The following RFTN2 variants were observed in gnomAD, a reference collection of about 807,000 sequenced individuals.
The protein encoded by RFTN2 is raftlin family member 2.
RFTN2 carries 34 observed loss-of-function variants against 52.7 expected under a neutral mutation model. The ratio of observed to expected loss-of-function variants is 0.64; its 90% CI spans 0.49 to 0.86. RFTN2 has a LOEUF of 0.86. Ranked by LOEUF, RFTN2 falls within the 40% of genes least tolerant of loss-of-function variation. The probability of loss-of-function intolerance (pLI) is 0.00; values close to 1 mark genes in which losing one functional copy is unlikely to be tolerated. For synonymous variants in RFTN2, 203 were observed against 217.7 expected (o/e 0.93, Z 0.59); for missense variants, 536 against 600.1 (o/e 0.89, Z 1.12).
At chr2:197,623,592 C>T (rs1465489792) in intron 5 of RFTN2, among the ~76,000 whole-genome samples, 2 of 152,198 alleles carry the variant, frequency 1.3e-5, no homozygotes, top group East Asian at 1.9e-4. Flanking sequence ...GATTCTTGTG[C>T]TTCAGCCTCT....
intron 7 of RFTN2, among the ~76,000 whole-genome samples, chr2:197,608,238 G>A (rs992151313): frequency 2.6e-5 from 4 of 152,148 alleles, no homozygotes; most frequent in Non-Finnish European, 1.5e-5. Flanking sequence ...AATGGAAGAG[G>A]GGAGCAGAGC....
chr2:197,622,332 TCTCA>T (rs1159594435), intron 5 of RFTN2, among the ~76,000 whole-genome samples: 5 of 152,102 alleles, frequency 3.3e-5, no homozygotes, highest in African/African-American at 2.4e-5. Context: ...TGAGACAAGG[TCTCA>T]CTCTTTCACT....
chr2:197,618,703 A>C, intron 5 of RFTN2, among the ~76,000 whole-genome samples: 1 of 126,398 alleles, frequency 7.9e-6, no homozygotes, highest in East Asian at 2.5e-4. Context: ...CCGGCCGCCC[A>C]TCGTCTGAGA....
At chr2:197,616,056 G>A (rs1230415626) in intron 6 of RFTN2, 77 bp from the exon 7 acceptor site, 2 of 823,220 alleles carry the variant, frequency 2.4e-6, no homozygotes, top group East Asian at 2.7e-5. Flanking sequence ...AGGGTGATGC[G>A]TGTTAGGATG....
At chr2:197,653,000 T>C (rs140798626) in intron 1 of RFTN2, among the ~76,000 whole-genome samples, 5 of 152,242 alleles carry the variant, frequency 3.3e-5, no homozygotes, top group Admixed American at 2.6e-4. Flanking sequence ...AAGTTCTTTA[T>C]TGAGCAGACC....
At chr2:197,578,399 C>G (rs1016609131) in intron 8 of RFTN2, among the ~76,000 whole-genome samples, 3 of 152,086 alleles carry the variant, frequency 2.0e-5, no homozygotes, top group Non-Finnish European at 4.4e-5. Flanking sequence ...TTTTTTACCA[C>G]GTGACTGTTA....
In RFTN2 at chr2:197,646,650, T is replaced by C; in HGVS notation, c.156A>G (p.Glu52=). The C allele has an allele frequency of 6.2e-7, 1 of 1,611,768 alleles. No homozygotes were observed. Among genetic ancestry groups the C allele is most frequent in the Non-Finnish European group, 8.5e-7 (1 of 1,178,486 alleles). The change falls in exon 2 of 9, where the codon GAA becomes GAG. Residue 52 remains glutamate (E), a synonymous_variant. Coordinates refer to ENST00000295049, the MANE Select transcript of RFTN2 (RefSeq NM_144629.3). ...DFTLQASSNP[E]VIKINSILDI... ...CCAGAATTGAATTTATCTTGATGAC[T>C]TCTGGGTTTGATGAAGCTGAAATAT...
At chr2:197,576,522 G>A (rs947706961) in intron 8 of RFTN2, among the ~76,000 whole-genome samples, 2 of 152,168 alleles carry the variant, frequency 1.3e-5, no homozygotes, top group Non-Finnish European at 2.9e-5. Flanking sequence ...TTTCCTAAAT[G>A]TAAGAGGTAA....
At chr2:197,587,598 C>T (rs1368928633) in intron 8 of RFTN2, among the ~76,000 whole-genome samples, 13 of 150,962 alleles carry the variant, frequency 8.6e-5, no homozygotes, top group African/African-American at 2.4e-4. Context: ...TCCTATAAAA[C>T]GGCCCTACCC....
chr2:197,627,883 GC>G (rs1010723558), intron 5 of RFTN2, among the ~76,000 whole-genome samples: 52 of 38,934 alleles, frequency 1.3e-3, no homozygotes, highest in African/African-American at 5.6e-3. Flanking sequence ...CCGCCCCCCC[GC>G]CCCCCCGTGT....
rs372258980 is a variant in RFTN2, at chr2:197,581,746, T to A, written c.1234-9466A>T. Among the ~76,000 whole-genome samples, 2 of 152,216 alleles carry A rather than the reference T, an allele frequency of 1.3e-5. 1 individual carries two copies. The highest frequency in any genetic ancestry group is 3.8e-4 in the East Asian group (2 of 5,202). ...ACACATGTGCTCTCCCTGCCGATCA[T>A]GTCCAACTGATCTCTCAAACCCCAA... is the stretch of plus-strand genomic sequence containing the variant. On this transcript the variant is annotated intron_variant, in intron 8 of 8. Transcript: ENST00000295049.
intron 7 of RFTN2, among the ~76,000 whole-genome samples, chr2:197,597,793 C>T (rs1439027943): frequency 6.6e-6 from 1 of 152,172 alleles, no homozygotes; most frequent in Admixed American, 6.5e-5. Flanking sequence ...GCTGGGATTA[C>T]AGGTGTGAGC....
chr2:197,659,144 G>T (rs2088937109), intron 1 of RFTN2, among the ~76,000 whole-genome samples: 1 of 152,102 alleles, frequency 6.6e-6, no homozygotes, highest in South Asian at 2.1e-4. Context: ...AATAGTCCAA[G>T]ACATACATAT....
At chr2:197,609,055 C>T (rs2106202542) in intron 7 of RFTN2, among the ~76,000 whole-genome samples, 1 of 152,140 alleles carries the variant, frequency 6.6e-6, no homozygotes, top group East Asian at 1.9e-4. Flanking sequence ...TGGGTTGGTA[C>T]CAAGATTTTG....
intron 7 of RFTN2, among the ~76,000 whole-genome samples, chr2:197,597,526 CTT>C (rs921271783): frequency 6.7e-6 from 1 of 148,540 alleles, no homozygotes. Flanking sequence ...TTCTTTCTTT[CTT>C]TTTTTTTTGA....
At position 197,572,268 on chromosome 2, in the gene RFTN2, G is replaced by A. The variant is rs768206974; in HGVS notation, c.1246C>T (p.Arg416Cys). The A allele has an allele frequency of 6.6e-5, 107 of 1,613,434 alleles. No homozygotes were observed. Among genetic ancestry groups the A allele is most frequent in the Middle Eastern group, 3.3e-4 (2 of 6,080 alleles). The part of the protein sequence containing the change: ...AAQTPDKKAS[R>C]HIKGEDKNKA... ...TTCTTGTCTTCACCTTTTATGTGGCGGCTGGCTTTCTTCTGAAACACAAGA... is the reference window on the plus strand; with the variant it reads ...TTCTTGTCTTCACCTTTTATGTGGCAGCTGGCTTTCTTCTGAAACACAAGA... Residue 416 changes from arginine to cysteine, a missense_variant, in exon 9 of 9, where the codon CGC becomes TGC. Coordinates refer to ENST00000295049, the MANE Select transcript of RFTN2 (RefSeq NM_144629.3).
chr2:197,580,673 C>G (rs533305389), intron 8 of RFTN2, among the ~76,000 whole-genome samples: 1 of 152,194 alleles, frequency 6.6e-6, no homozygotes, highest in East Asian at 1.9e-4. Flanking sequence ...TAAATCCATC[C>G]TCTTCTTAAT....
intron 5 of RFTN2, among the ~76,000 whole-genome samples, chr2:197,629,758 T>C (rs2106230287): frequency 6.6e-6 from 1 of 151,932 alleles, no homozygotes; most frequent in Non-Finnish European, 1.5e-5. Context: ...TGTCTTACTC[T>C]GTCACCCAGG....
At position 197,595,886 on chromosome 2, in the gene RFTN2, GT is replaced by G. The variant is rs879140086; in HGVS notation, c.1233+104del. The G allele has an allele frequency of 8.4e-5, 65 of 773,150 alleles. No homozygotes were observed. The South Asian group carries it at 1.0e-3, about 12-fold the overall frequency. The allele number at this position is 773,150 out of a possible 1,614,324, so 47.9% of individuals were successfully genotyped here. A position where few individuals can be genotyped will look rare whatever the true frequency, so the allele number is the denominator to read the frequency against. Reference sequence around the variant, plus strand: ...CCCTTATAGGTTGGTTCAGAGGACTGTTTCCATATCATGTCCACGCTTTCTT... The same window carrying G: ...CCCTTATAGGTTGGTTCAGAGGACTGTTCCATATCATGTCCACGCTTTCTT... On this transcript the variant is annotated intron_variant, in intron 8 of 8. Coordinates refer to ENST00000295049, the MANE Select transcript of RFTN2 (RefSeq NM_144629.3).
Sources: allele counts gnomAD v4.1 joint callset (sites outside exome capture counted in the v4.1 genomes callset), GRCh38; gene constraint gnomAD v4.1.1; transcripts MANE v1.5; gene names NCBI Gene and HGNC (gene_info 2026-07-23, HGNC 2026-07-21).